Variants in PALS2 observed in about 807,000 individuals in gnomAD.
PALS2 encodes the protein protein PALS2.
A neutral mutation model predicts 61.6 loss-of-function variants in PALS2; 27 were observed. The observed-to-expected ratio is 0.44, with a 90% CI of 0.32 to 0.60. PALS2 has a LOEUF of 0.60. PALS2 is among the 20% of genes least tolerant of loss of function. The pLI is 0.05. For synonymous variants in PALS2, 236 were observed against 218.6 expected, an observed-to-expected ratio of 1.08 and a Z score of -0.70; for missense variants, 554 against 639.4, an observed-to-expected ratio of 0.87 and a Z score of 1.44.
At chr7:24,612,616 T>C (rs1784154245) in intron 1 of PALS2, among the ~76,000 whole-genome samples, 1 of 151,894 alleles carries the variant, frequency 6.6e-6, no homozygotes, top group Non-Finnish European at 1.5e-5. Context: ...ATAATTTTCA[T>C]ATCTGTCTGA....
chr7:24,629,024 T>C (rs1174194819), intron 2 of PALS2, among the ~76,000 whole-genome samples: 4 of 152,058 alleles, frequency 2.6e-5, no homozygotes, highest in Non-Finnish European at 4.4e-5. Context: ...AAAGAGCCGG[T>C]ATAGCCTAGA....
At chr7:24,614,242 G>A (rs1784213560) in intron 1 of PALS2, among the ~76,000 whole-genome samples, 1 of 151,158 alleles carries the variant, frequency 6.6e-6, no homozygotes, top group African/African-American at 2.4e-5. Flanking sequence ...CAAATCCTTG[G>A]TTAAATTTAT....
At chr7:24,634,945 C>T (rs74588715) in intron 2 of PALS2, among the ~76,000 whole-genome samples, 9,631 of 152,070 alleles carry the variant, frequency 0.063, 354 homozygotes, top group African/African-American at 0.094. Flanking sequence ...TAGATCTTTC[C>T]TTGTGGCAGC....
At chr7:24,685,137 T>C (rs551473548) in intron 11 of PALS2, among the ~76,000 whole-genome samples, 1 of 152,204 alleles carries the variant, frequency 6.6e-6, no homozygotes, top group Admixed American at 6.5e-5. Context: ...CAGGCCCCAA[T>C]GTGTGTTAAT....
chr7:24,675,338 C>G (rs1787508166), intron 9 of PALS2, among the ~76,000 whole-genome samples: 2 of 151,656 alleles, frequency 1.3e-5, no homozygotes, highest in South Asian at 4.2e-4. Context: ...TGGGGAGTTA[C>G]AAGTTGCCTT....
At chr7:24,640,055 G>C (rs1785444061) in intron 2 of PALS2, among the ~76,000 whole-genome samples, 1 of 151,940 alleles carries the variant, frequency 6.6e-6, no homozygotes. Context: ...GAGCTCAAGT[G>C]ATCTGCCCAT....
In PALS2 at chr7:24,687,638, A is replaced by C. The variant is rs763280135; in HGVS notation, c.*24A>C. 6.4e-7 allele frequency: 1 copy of C among 1,566,370 alleles called. No homozygotes were observed. The highest frequency in any genetic ancestry group is 8.6e-7 in the Non-Finnish European group (1 of 1,162,180). On this transcript the variant is annotated 3_prime_UTR_variant, in exon 12 of 12. Coordinates refer to ENST00000222644, the MANE Select transcript of PALS2 (RefSeq NM_001303037.2). The surrounding 1 kb of genome is among the most constrained non-coding windows in gnomAD (Gnocchi z 4.5). ...GATGATTCAGTAAGGTTAACAATGAAAATTAAACTCTTAAAAAGTGACTGC... is the reference window on the plus strand; with the variant it reads ...GATGATTCAGTAAGGTTAACAATGACAATTAAACTCTTAAAAAGTGACTGC...
At chr7:24,598,875 G>C (rs1783615269) in intron 1 of PALS2, among the ~76,000 whole-genome samples, 3 of 152,178 alleles carry the variant, frequency 2.0e-5, no homozygotes, top group African/African-American at 7.2e-5. Flanking sequence ...AAGATAATTT[G>C]TTTCCAACTT....
At position 24,663,250 on chromosome 7, in the gene PALS2, A is replaced by G. The variant is rs375477381; in HGVS notation, c.652-340A>G. On this transcript the variant is annotated intron_variant, in intron 5 of 11. Transcript: ENST00000222644. ...TATTATATTTCAGGATGTTAATTGG[A>G]TCATAGCATTTACTTGCATTAAAAA... Among the ~76,000 whole-genome samples, 61 of 152,348 alleles carry G rather than the reference A, an allele frequency of 4.0e-4. 1 individual carries two copies. The highest frequency in any genetic ancestry group is 3.4e-3 in the Middle Eastern group (1 of 292).
intron 9 of PALS2, among the ~76,000 whole-genome samples, chr7:24,669,163 C>A (rs1787177790): frequency 6.6e-6 from 1 of 152,106 alleles, no homozygotes; most frequent in South Asian, 2.1e-4. Context: ...TTACTGCAGG[C>A]AGCATTCATT....
rs1337652865 is a variant in PALS2, at chr7:24,665,607, G to A, written c.803G>A (p.Gly268Glu). 10 of 1,613,552 alleles carry A rather than the reference G, an allele frequency of 6.2e-6. No individual in the cohort carries two copies. The highest frequency in any genetic ancestry group is 8.5e-6 in the Non-Finnish European group (10 of 1,179,692). The change falls in exon 7 of 12, where the codon GGA (glycine) becomes GAA (glutamate). Residue 268 changes from glycine to glutamate, a missense_variant. Physicochemically the swap from Gly to Glu is moderately conservative, Grantham distance 98. Coordinates refer to ENST00000222644, the MANE Select transcript of PALS2 (RefSeq NM_001303037.2). ...NWWQASHVKEGGSAGLIPSQF... is the reference protein window; with the variant it reads ...NWWQASHVKEEGSAGLIPSQF... ...TTCTAGGCTAGCCATGTAAAAGAGG[G>A]AGGAAGCGCTGGTCTCATTCCAAGC...
In PALS2 at chr7:24,576,165, G is replaced by C. The variant is rs147271280; in HGVS notation, c.-3+2572G>C. ...TAACTGTAGGTTCTTTAGAAAAGTA[G>C]TCTTCACATTTATAAATATAAGAGC... On this transcript the variant is annotated intron_variant, in intron 1 of 11. Coordinates refer to ENST00000222644, the MANE Select transcript of PALS2 (RefSeq NM_001303037.2). 3.6e-3 allele frequency among the ~76,000 whole-genome samples: 542 copies of C among 152,292 alleles called. 11 individuals are homozygous for C. The highest frequency in any genetic ancestry group is 0.03 in the Admixed American group (453 of 15,300).
At chr7:24,608,237 C>A (rs905486777) in intron 1 of PALS2, among the ~76,000 whole-genome samples, 14 of 152,088 alleles carry the variant, frequency 9.2e-5, no homozygotes, top group African/African-American at 3.1e-4. Flanking sequence ...TTTACATTAA[C>A]ATTTTTCTTT....
intron 2 of PALS2, among the ~76,000 whole-genome samples, chr7:24,633,643 G>C (rs1374141039): frequency 6.6e-6 from 1 of 151,862 alleles, no homozygotes; most frequent in Non-Finnish European, 1.5e-5. Flanking sequence ...AGATTTTGTA[G>C]CATTTTGGAT....
At position 24,623,766 on chromosome 7, in the gene PALS2, T is replaced by C. The variant is rs201815102; in HGVS notation, c.99T>C (p.Ile33=). 48 of 1,575,646 alleles carry C rather than the reference T, an allele frequency of 3.0e-5. No individual in the cohort carries two copies. Among genetic ancestry groups the C allele is most frequent in the Non-Finnish European group, 3.8e-5 (44 of 1,152,754 alleles). Residue 33 remains isoleucine (I), a synonymous_variant, in exon 2 of 12, where the codon ATT becomes ATC. Transcript: ENST00000222644. ...IFLKGIMENP[I]VKSLAKAHER... ...TCAAGGGAATTATGGAGAATCCTAT[T>C]GTAAAATCACTTGCTAAGGTATATA...
chr7:24,587,041 G>A (rs1016530602), intron 1 of PALS2, among the ~76,000 whole-genome samples: 3 of 101,686 alleles, frequency 3.0e-5, no homozygotes, highest in Non-Finnish European at 6.9e-5. Flanking sequence ...TTTTTTTTTT[G>A]TTTTTTGTTT....
chr7:24,639,482 GT>G (rs1405906330), intron 2 of PALS2, among the ~76,000 whole-genome samples: 1 of 151,802 alleles, frequency 6.6e-6, no homozygotes, highest in African/African-American at 2.4e-5. Flanking sequence ...TTCAATAGAT[GT>G]TAAGGTTCTT....
rs147679621 is a variant in PALS2, at chr7:24,629,462, T to G, written c.117+5678T>G. Among the ~76,000 whole-genome samples, 791 of 152,130 alleles carry G rather than the reference T, an allele frequency of 5.2e-3. 7 individuals carry two copies. The highest frequency in any genetic ancestry group is 0.017 in the African/African-American group (724 of 41,496). ...TCATGATTAAAACACCAAATGCAAT[T>G]GCAACAAAAGCCAAAATTGACAAAT... On this transcript the variant is annotated intron_variant, in intron 2 of 11. Coordinates refer to ENST00000222644, the MANE Select transcript of PALS2 (RefSeq NM_001303037.2).
intron 3 of PALS2, among the ~76,000 whole-genome samples, chr7:24,649,296 C>T (rs942188667): frequency 1.3e-5 from 2 of 151,862 alleles, no homozygotes; most frequent in African/African-American, 4.8e-5. Context: ...GCAATAAAAC[C>T]CAGTACCTTC....
Sources: gnomAD v4.1 joint callset for allele counts (sites outside exome capture counted in the v4.1 genomes callset) on GRCh38, gnomAD v4.1.1 for gene constraint, Gnocchi (gnomAD v3.1) non-coding constraint, MANE v1.5 for transcripts, NCBI Gene and HGNC (gene_info 2026-07-23, HGNC 2026-07-21) for gene names.